PDE3A: variants seen among roughly 807,000 people sequenced by gnomAD.
The protein encoded by PDE3A is phosphodiesterase 3A.
In PDE3A, 43 loss-of-function variants were observed where a neutral mutation model predicts 98.3. The ratio of observed to expected loss-of-function variants is 0.44; its 90% CI spans 0.34 to 0.56. The LOEUF (loss-of-function observed/expected upper bound fraction) is 0.56, where lower values mean the gene tolerates loss of function less well. Ranked by LOEUF, PDE3A falls within the 20% of genes least tolerant of loss-of-function variation. The pLI is 0.01. For synonymous variants in PDE3A, 663 were observed against 567.9 expected (o/e 1.17, Z -2.38); for missense variants, 1,427 against 1,440.7 (o/e 0.99, Z 0.15).
chr12:20,637,034 CA>C, intron 8 of PDE3A, 65 bp from the exon 9 acceptor site: 1 of 1,108,504 alleles, frequency 9.0e-7, no homozygotes, highest in Non-Finnish European at 1.3e-6. Flanking sequence ...TTGAATTTAG[CA>C]AAGCACAAAT....
rs1270010999 is a variant in PDE3A at position 20,618,421 on chromosome 12, AAGAAT to A, written c.1424+2039_1424+2043del. ...GAGGAAGGACTACATTGATCAAAAG[AAGAAT>A]AAGAATGAGAAATAATAAAAATTAG... On this transcript the variant is annotated intron_variant, in intron 4 of 15. Coordinates refer to ENST00000359062, the MANE Select transcript of PDE3A (RefSeq NM_000921.5). Among the ~76,000 whole-genome samples, 20 of 30,450 alleles carry A rather than the reference AAGAAT, an allele frequency of 6.6e-4. No individual in the cohort carries two copies. In the East Asian group the frequency reaches 0.049, roughly 74 times the overall value. The allele number at this position is 30,450 out of a possible 152,430, so 20.0% of individuals were successfully genotyped here.
chr12:20,572,694 G>A (rs1038765628), intron 2 of PDE3A, among the ~76,000 whole-genome samples: 4 of 151,982 alleles, frequency 2.6e-5, no homozygotes, highest in Non-Finnish European at 4.4e-5. Flanking sequence ...CACAGTAGAA[G>A]GGAATACTAA....
At chr12:20,583,785 T>C (rs1346898337) in intron 2 of PDE3A, among the ~76,000 whole-genome samples, 2 of 152,176 alleles carry the variant, frequency 1.3e-5, no homozygotes, top group Non-Finnish European at 2.9e-5. Flanking sequence ...TCAATGAAAA[T>C]TGTTTTAAGT....
Position 20,687,914 on chromosome 12 carries a change from G to GAAAAAAAAAAAAAAAAAAAAA in PDE3A, c.*7646_*7666dup, listed in dbSNP as rs58496505. ...GACCAGTCATTACCTCTTCCCAACAGAAAAAAAAAAAAAAAAAAAAAAACT... is the reference window on the plus strand; with the variant it reads ...GACCAGTCATTACCTCTTCCCAACAGAAAAAAAAAAAAAAAAAAAAAAAAAAAAAAAAAAAAAAAAAAAACT... On this transcript the variant is annotated 3_prime_UTR_variant, in exon 16 of 16. Coordinates refer to ENST00000359062, the MANE Select transcript of PDE3A (RefSeq NM_000921.5). Among the ~76,000 whole-genome samples, 2 of 94,262 alleles carry GAAAAAAAAAAAAAAAAAAAAA rather than the reference G, an allele frequency of 2.1e-5. No individual in the cohort carries two copies. The highest frequency in any genetic ancestry group is 8.5e-5 in the African/African-American group (2 of 23,400). The allele number at this position is 94,262 out of a possible 152,430, so 61.8% of individuals were successfully genotyped here. A position where few individuals can be genotyped will look rare whatever the true frequency, so the allele number is the denominator to read the frequency against.
intron 1 of PDE3A, among the ~76,000 whole-genome samples, chr12:20,471,765 T>C (rs1272277682): frequency 2.0e-5 from 3 of 152,198 alleles, no homozygotes; most frequent in Non-Finnish European, 4.4e-5. Flanking sequence ...TTTTAGATTT[T>C]ATACCAAAAC....
intron 15 of PDE3A, among the ~76,000 whole-genome samples, chr12:20,662,713 G>A (rs1945205248): frequency 7.0e-6 from 1 of 143,740 alleles, no homozygotes; most frequent in African/African-American, 2.5e-5. Flanking sequence ...GACATGGTTT[G>A]GAATTGGAAC....
intron 1 of PDE3A, among the ~76,000 whole-genome samples, chr12:20,547,683 T>C (rs1942092535): frequency 6.6e-6 from 1 of 152,104 alleles, no homozygotes; most frequent in African/African-American, 2.4e-5. Context: ...AATAATTTTT[T>C]ATTTCCCATC....
intron 1 of PDE3A, among the ~76,000 whole-genome samples, chr12:20,515,040 C>A (rs767262118): frequency 2.0e-5 from 3 of 152,158 alleles, no homozygotes; most frequent in African/African-American, 7.2e-5. Flanking sequence ...AAAGAAAGGG[C>A]AAGAGGGGGC....
At position 20,682,161 on chromosome 12, in the gene PDE3A, C is replaced by T. The variant is rs1945804568; in HGVS notation, c.*1890C>T. The T allele has an allele frequency of 6.6e-6, 1 of 152,172 alleles. No homozygotes were observed. Among genetic ancestry groups the T allele is most frequent in the East Asian group, 1.9e-4 (1 of 5,198 alleles). The allele number at this position is 152,172 out of a possible 1,614,324, so 9.4% of individuals were successfully genotyped here. A position where few individuals can be genotyped will look rare whatever the true frequency, so the allele number is the denominator to read the frequency against. On this transcript the variant is annotated 3_prime_UTR_variant, in exon 16 of 16. Coordinates refer to ENST00000359062, the MANE Select transcript of PDE3A (RefSeq NM_000921.5). ...CTGAATGAATTCTGGGTCCATATCT[C>T]CCAGATGAAAAACTGTTAACCAATA... is the stretch of plus-strand genomic sequence containing the variant.
At chr12:20,670,448 G>T (rs1386609789) in intron 15 of PDE3A, among the ~76,000 whole-genome samples, 5 of 152,076 alleles carry the variant, frequency 3.3e-5, no homozygotes, top group African/African-American at 1.2e-4. Context: ...ATAATTGGAA[G>T]TAAAGCTCTC....
intron 15 of PDE3A, among the ~76,000 whole-genome samples, chr12:20,670,458 C>T (rs1945443179): frequency 6.6e-6 from 1 of 152,068 alleles, no homozygotes; most frequent in Non-Finnish European, 1.5e-5. Context: ...GTAAAGCTCT[C>T]CTCAGCAAAT....
At position 20,683,756 on chromosome 12, in the gene PDE3A, ATAT is replaced by A. The variant is rs1349429894; in HGVS notation, c.*3489_*3491del. On this transcript the variant is annotated 3_prime_UTR_variant, in exon 16 of 16. Transcript: ENST00000359062. ...ATCTGATGAATGAAGAAATTTTCTC[ATAT>A]TATGTTCAAGAAAGTATTTACTTCC... 1 of 152,150 alleles carries A rather than the reference ATAT, an allele frequency of 6.6e-6. No homozygotes were observed. The highest frequency in any genetic ancestry group is 2.4e-5 in the African/African-American group (1 of 41,450). The allele number at this position is 152,150 out of a possible 1,614,324, so 9.4% of individuals were successfully genotyped here.
chr12:20,666,193 G>C (rs1313481099), intron 15 of PDE3A, among the ~76,000 whole-genome samples: 1 of 151,924 alleles, frequency 6.6e-6, no homozygotes, highest in Non-Finnish European at 1.5e-5. Flanking sequence ...TTAAACTCCT[G>C]ACCTCAAGTG....
At chr12:20,429,994 A>G (rs1197975523) in intron 1 of PDE3A, among the ~76,000 whole-genome samples, 2 of 152,188 alleles carry the variant, frequency 1.3e-5, no homozygotes, top group Non-Finnish European at 2.9e-5. Context: ...TATGTTTTCA[A>G]AATAACCTTC....
At chr12:20,523,332 G>C (rs531521041) in intron 1 of PDE3A, among the ~76,000 whole-genome samples, 1 of 152,078 alleles carries the variant, frequency 6.6e-6, no homozygotes. Context: ...TCAGCTGCCC[G>C]CTGTAGGTTG....
At chr12:20,516,615 A>T (rs1317902825) in intron 1 of PDE3A, among the ~76,000 whole-genome samples, 1 of 152,140 alleles carries the variant, frequency 6.6e-6, no homozygotes, top group African/African-American at 2.4e-5. Flanking sequence ...GGTTTCTTTA[A>T]ATTTTTCAAG....
intron 1 of PDE3A, among the ~76,000 whole-genome samples, chr12:20,532,144 A>C (rs1416676563): frequency 6.6e-6 from 1 of 152,164 alleles, no homozygotes; most frequent in Non-Finnish European, 1.5e-5. Context: ...CAAAGTAAGT[A>C]TACATGTAGA....
rs892164701 is a variant in PDE3A, at chr12:20,552,582, G to A, written c.961-4078G>A. The A allele has an allele frequency of 1.2e-5, 20 of 1,613,698 alleles. No individual in the cohort carries two copies. Among genetic ancestry groups the A allele is most frequent in the Non-Finnish European group, 1.5e-5 (18 of 1,179,860 alleles). On this transcript the variant is annotated intron_variant, in intron 1 of 15. Transcript: ENST00000359062. This position sits in a 1 kb window ranked among gnomAD's most constrained non-coding sequence, Gnocchi z 5.1. ...GCAAGGGCAAGTGGAAGCGGAAGTC[G>A]GCAGGAGGTGGCCCGAGCAGGGCCG... is the stretch of plus-strand genomic sequence containing the variant.
At chr12:20,378,916 C>T (rs548706647) in intron 1 of PDE3A, among the ~76,000 whole-genome samples, 6 of 151,668 alleles carry the variant, frequency 4.0e-5, no homozygotes, top group East Asian at 1.9e-4. Context: ...CTTCTCCCTC[C>T]GAATGTGTTT....
Sources: gnomAD v4.1 joint callset for allele counts (sites outside exome capture counted in the v4.1 genomes callset) on GRCh38, gnomAD v4.1.1 for gene constraint, Gnocchi (gnomAD v3.1) non-coding constraint, MANE v1.5 for transcripts, NCBI Gene and HGNC (gene_info 2026-07-23, HGNC 2026-07-21) for gene names.